CD48: variants seen among roughly 807,000 people sequenced by gnomAD.
The protein encoded by CD48 is CD48 molecule.
CD48 carries 20 observed loss-of-function variants against 22.0 expected under a neutral mutation model. The observed-to-expected ratio is 0.91, with a 90% CI of 0.64 to 1.32. The LOEUF is 1.32. Among genes scored for constraint, CD48 ranks in the 40% most tolerant of loss-of-function variants. The pLI, the probability that CD48 is intolerant of heterozygous loss-of-function variation, is 0.00. For missense variants in CD48, 307 were observed against 286.5 expected, an observed-to-expected ratio of 1.07 and a Z score of -0.52; for synonymous variants, 110 against 110.1, an observed-to-expected ratio of 1.00 and a Z score of 0.01.
chr1:160,695,517 T>G (rs1364687282), intron 1 of CD48, among the ~76,000 whole-genome samples: 124 of 151,020 alleles, frequency 8.2e-4, no homozygotes, highest in African/African-American at 3.0e-3. Flanking sequence ...AAACACTAAA[T>G]GATTTTCAAA....
chr1:160,692,549 G>A (rs985041495), intron 1 of CD48, among the ~76,000 whole-genome samples: 6 of 151,928 alleles, frequency 3.9e-5, no homozygotes, highest in East Asian at 1.9e-4. Context: ...CTTCAGTATC[G>A]GCCACCCCCA....
Position 160,690,762 on chromosome 1 carries a change from A to G in CD48, c.83-5573T>C, listed in dbSNP as rs562946401. On this transcript the variant is annotated intron_variant, in intron 1 of 3. Coordinates refer to ENST00000368046, the MANE Select transcript of CD48 (RefSeq NM_001778.4). Reference sequence around the variant, plus strand: ...AGTTTCTATATTTTTAGTGGCATGTACAACATAAGCGGAATCTGAGACTGT... The same window carrying G: ...AGTTTCTATATTTTTAGTGGCATGTGCAACATAAGCGGAATCTGAGACTGT... 1.6e-4 allele frequency among the ~76,000 whole-genome samples: 25 copies of G among 152,334 alleles called. No individual in the cohort carries two copies. In the South Asian group the frequency reaches 5.2e-3, roughly 32 times the overall value.
intron 1 of CD48, among the ~76,000 whole-genome samples, chr1:160,707,143 A>G (rs1662819622): frequency 1.3e-5 from 2 of 152,170 alleles, no homozygotes; most frequent in Admixed American, 1.3e-4. Flanking sequence ...CTTGGTGAGA[A>G]GCTGAGCAGG....
chr1:160,685,025 C>T lies in CD48; in HGVS notation c.247G>A (p.Gly83Ser), dbSNP rs533841118. 3.7e-6 allele frequency: 6 copies of T among 1,614,174 alleles called. No individual in the cohort carries two copies. Among genetic ancestry groups the T allele is most frequent in the Non-Finnish European group, 5.1e-6 (6 of 1,180,026 alleles). The change falls in exon 2 of 4, where the codon GGC (glycine) becomes AGC (serine). Residue 83 changes from glycine (G) to serine (S), a missense_variant. Coordinates refer to ENST00000368046, the MANE Select transcript of CD48 (RefSeq NM_001778.4). ...KSKYFESKFK[G>S]RVRLDPQSGA... ...CTCTGAGGATCAAGTCTGACCCTGC[C>T]TTTAAATTTGGATTCAAAGTACTTA... is the stretch of plus-strand genomic sequence containing the variant.
rs770100774 is a variant in CD48, at chr1:160,681,200, A to T, written c.652+2T>A. ...CCCTCAGCTCCCAGGGATCCTTCTT[A>T]CCCAGGGTACAGGGTGGACTGAGGC... On this transcript the variant is annotated splice_donor_variant, in intron 3 of 3. Transcript: ENST00000368046. LOFTEE classifies it high-confidence loss of function. 6.2e-7 allele frequency: 1 copy of T among 1,614,012 alleles called. No homozygotes were observed. The highest frequency in any genetic ancestry group is 8.5e-7 in the Non-Finnish European group (1 of 1,179,970).
chr1:160,707,019 G>C (rs568504735), intron 1 of CD48, among the ~76,000 whole-genome samples: 1 of 152,300 alleles, frequency 6.6e-6, no homozygotes, highest in East Asian at 1.9e-4. Context: ...GAGTGTTAAG[G>C]ATGTGGAGAC....
intron 1 of CD48, among the ~76,000 whole-genome samples, chr1:160,688,348 C>T (rs781276593): frequency 9.9e-5 from 15 of 152,084 alleles, no homozygotes; most frequent in South Asian, 2.1e-4. Context: ...GGGGAGGATT[C>T]GCAAGGTCTA....
intron 1 of CD48, chr1:160,691,823 C>G (rs1012960071): frequency 2.7e-6 from 1 of 366,596 alleles, no homozygotes; most frequent in African/African-American, 2.1e-5. Flanking sequence ...GAGGACAAGT[C>G]GACAAGAGAT....
chr1:160,706,092 T>C lies in CD48; in HGVS notation c.82+5590A>G, dbSNP rs1456713473. 2.0e-5 allele frequency among the ~76,000 whole-genome samples: 3 copies of C among 151,826 alleles called. No individual in the cohort carries two copies. The South Asian group carries it at 6.7e-4, about 34-fold the overall frequency. ...GATCACTTATATATATATAATTTTTTTTATGGAGTTTCACTTTTGTCACCC... is the reference window on the plus strand; with the variant it reads ...GATCACTTATATATATATAATTTTTCTTATGGAGTTTCACTTTTGTCACCC... On this transcript the variant is annotated intron_variant, in intron 1 of 3. Transcript: ENST00000368046.
rs1661796255 is a variant in CD48, at chr1:160,681,371, TAC to T, written c.481_482del (p.Val161LysfsTer21). On this transcript the variant is annotated frameshift_variant, in exon 3 of 4. Transcript: ENST00000368046. LOFTEE classifies it high-confidence loss of function. ...TTTTGTCCCCATACCAGGTGTAGTT[TAC>T]AGACTCGCCAGGTATCACACATGAC... ...KLSCVIPGES[V>X]NYTWYGDKRP... 6.2e-7 allele frequency: 1 copy of T among 1,614,072 alleles called. No individual in the cohort carries two copies. The highest frequency in any genetic ancestry group is 1.3e-5 in the African/African-American group (1 of 74,902).
chr1:160,694,406 C>T (rs1053627140), intron 1 of CD48, among the ~76,000 whole-genome samples: 5 of 151,566 alleles, frequency 3.3e-5, no homozygotes, highest in African/African-American at 7.3e-5. Context: ...AAATCAGTGG[C>T]CAAAAAATTG....
chr1:160,694,378 T>C (rs1206314352), intron 1 of CD48, among the ~76,000 whole-genome samples: 1 of 152,062 alleles, frequency 6.6e-6, no homozygotes, highest in Non-Finnish European at 1.5e-5. Context: ...CTGGAGCAGA[T>C]GTCTCTATCA....
At chr1:160,695,062 G>A (rs1466414274) in intron 1 of CD48, among the ~76,000 whole-genome samples, 2 of 152,132 alleles carry the variant, frequency 1.3e-5, no homozygotes, top group African/African-American at 4.8e-5. Flanking sequence ...GATCCCAAAA[G>A]ATTGGCCTTT....
chr1:160,680,839 T>G, intron 3 of CD48: 2 of 1,302,802 alleles, frequency 1.5e-6, no homozygotes, highest in Non-Finnish European at 2.0e-6. Flanking sequence ...TCTAGACAGC[T>G]GCTCGCCCAC....
chr1:160,706,106 C>T (rs1395826707), intron 1 of CD48, among the ~76,000 whole-genome samples: 1 of 151,928 alleles, frequency 6.6e-6, no homozygotes, highest in Non-Finnish European at 1.5e-5. Context: ...TGGAGTTTCA[C>T]TTTTGTCACC....
chr1:160,679,945 G>A (rs766884752), intron 3 of CD48, among the ~76,000 whole-genome samples: 5 of 152,232 alleles, frequency 3.3e-5, no homozygotes, highest in Non-Finnish European at 7.3e-5. Flanking sequence ...CAGTGGGTCT[G>A]TGGTGGCAGA....
chr1:160,690,327 T>C (rs1199662089), intron 1 of CD48, among the ~76,000 whole-genome samples: 1 of 152,176 alleles, frequency 6.6e-6, no homozygotes, highest in African/African-American at 2.4e-5. Flanking sequence ...TACTGAGACA[T>C]GCACATATGA....
intron 3 of CD48, chr1:160,680,631 G>A (rs1216403477): frequency 9.9e-7 from 1 of 1,008,404 alleles, no homozygotes; most frequent in African/African-American, 1.7e-5. Context: ...CAGGAGACAG[G>A]GGAATCTGGC....
chr1:160,702,571 A>C (rs1412713292), intron 1 of CD48, among the ~76,000 whole-genome samples: 1 of 152,084 alleles, frequency 6.6e-6, no homozygotes, highest in Non-Finnish European at 1.5e-5. Context: ...ACGTGGGCAA[A>C]CAGTAGGAGC....
Sources: gnomAD v4.1 joint callset for allele counts (sites outside exome capture counted in the v4.1 genomes callset) on GRCh38, gnomAD v4.1.1 for gene constraint, MANE v1.5 for transcripts, NCBI Gene and HGNC (gene_info 2026-07-23, HGNC 2026-07-21) for gene names.